The following LRRTM4 variants were observed in gnomAD, a reference collection of about 807,000 sequenced individuals.
The protein encoded by LRRTM4 is leucine rich repeat transmembrane neuronal 4.
In LRRTM4, 25 loss-of-function variants were observed where a neutral mutation model predicts 47.6. That is an observed-to-expected ratio of 0.53 (90% confidence interval 0.38 to 0.73). The LOEUF is 0.73. LRRTM4 is among the 30% of genes least tolerant of loss of function. LRRTM4 has a pLI of 0.00. For synonymous variants in LRRTM4, 311 were observed against 269.5 expected (o/e 1.15, Z -1.51); for missense variants, 638 against 713.4 (o/e 0.89, Z 1.20).
At chr2:77,505,541 T>C (rs867831570) in intron 3 of LRRTM4, among the ~76,000 whole-genome samples, 1 of 151,510 alleles carries the variant, frequency 6.6e-6, no homozygotes, top group South Asian at 2.1e-4. Flanking sequence ...CAAATCACCA[T>C]AGTCATTTAA....
chr2:76,757,360 C>T lies in LRRTM4; in HGVS notation c.1552-8444G>A, dbSNP rs143964567. 4.2e-3 allele frequency among the ~76,000 whole-genome samples: 634 copies of T among 152,192 alleles called. 5 individuals carry two copies. Among genetic ancestry groups the T allele is most frequent in the Non-Finnish European group, 4.3e-3 (294 of 67,980 alleles). Reference sequence around the variant, plus strand: ...GTCAGGGGATAAGAGAACAAAGATCCATTTCCATCTTTATTGCTCTCCTAC... The same window carrying T: ...GTCAGGGGATAAGAGAACAAAGATCTATTTCCATCTTTATTGCTCTCCTAC... On this transcript the variant is annotated intron_variant, in intron 3 of 3. Coordinates refer to ENST00000409884, the MANE Select transcript of LRRTM4 (RefSeq NM_001134745.3).
intron 3 of LRRTM4, among the ~76,000 whole-genome samples, chr2:77,217,064 C>T (rs1166888489): frequency 1.5e-5 from 2 of 134,840 alleles, no homozygotes; most frequent in African/African-American, 6.3e-5. Context: ...CAGAGTGAGA[C>T]TCTGTCAAAA....
intron 3 of LRRTM4, among the ~76,000 whole-genome samples, chr2:77,142,635 T>A (rs780118842): frequency 6.6e-6 from 1 of 152,190 alleles, no homozygotes; most frequent in Non-Finnish European, 1.5e-5. Flanking sequence ...AGTATTAATA[T>A]AATAACAAGA....
chr2:76,974,162 A>G (rs2103948337), intron 3 of LRRTM4, among the ~76,000 whole-genome samples: 1 of 137,802 alleles, frequency 7.3e-6, no homozygotes, highest in South Asian at 2.1e-4. Flanking sequence ...ATACATATAT[A>G]TATATACATA....
At chr2:76,999,062 G>A (rs1301837164) in intron 3 of LRRTM4, among the ~76,000 whole-genome samples, 2 of 152,094 alleles carry the variant, frequency 1.3e-5, no homozygotes, top group Non-Finnish European at 2.9e-5. Context: ...ATAGATGGTT[G>A]TTGATATTAT....
intron 3 of LRRTM4, among the ~76,000 whole-genome samples, chr2:77,007,266 G>A (rs145646894): frequency 9.2e-5 from 14 of 152,206 alleles, no homozygotes; most frequent in African/African-American, 3.1e-4. Context: ...AAGAAGCACA[G>A]AGGATTGTGA....
At chr2:77,409,078 C>A (rs768735288) in intron 3 of LRRTM4, among the ~76,000 whole-genome samples, 32 of 152,106 alleles carry the variant, frequency 2.1e-4, no homozygotes, top group Non-Finnish European at 3.8e-4. Flanking sequence ...CTGCTAAATG[C>A]GATTTTCATC....
chr2:77,345,103 G>A (rs1320664734), intron 3 of LRRTM4, among the ~76,000 whole-genome samples: 2 of 150,494 alleles, frequency 1.3e-5, no homozygotes, highest in Non-Finnish European at 3.0e-5. Context: ...TAAAAATTCA[G>A]TAAAATTATA....
At chr2:77,143,267 T>A (rs72911862) in intron 3 of LRRTM4, among the ~76,000 whole-genome samples, 8,794 of 152,266 alleles carry the variant, frequency 0.058, 817 homozygotes, top group African/African-American at 0.19. Context: ...TTGATTGTAA[T>A]TATTTTGAGT....
chr2:76,897,676 C>T (rs536327155), intron 3 of LRRTM4, among the ~76,000 whole-genome samples: 2 of 152,088 alleles, frequency 1.3e-5, no homozygotes, highest in Non-Finnish European at 2.9e-5. Flanking sequence ...AAAGGTAATA[C>T]ACTTAGGCAA....
intron 3 of LRRTM4, among the ~76,000 whole-genome samples, chr2:77,280,661 T>C (rs563442278): frequency 6.6e-6 from 1 of 152,116 alleles, no homozygotes; most frequent in Non-Finnish European, 1.5e-5. Context: ...GTATAAAGTA[T>C]TTAACCTCAT....
At chr2:76,843,870 C>T (rs1671759567) in intron 3 of LRRTM4, among the ~76,000 whole-genome samples, 1 of 151,562 alleles carries the variant, frequency 6.6e-6, no homozygotes. Flanking sequence ...CTCCAAAGCC[C>T]ATGCTTTAAA....
chr2:77,316,298 C>T (rs769371478), intron 3 of LRRTM4, among the ~76,000 whole-genome samples: 1 of 151,976 alleles, frequency 6.6e-6, no homozygotes, highest in Non-Finnish European at 1.5e-5. Context: ...TCTCAGCAAG[C>T]CTGAGAATTA....
At chr2:76,857,340 T>TCA (rs1314597277) in intron 3 of LRRTM4, among the ~76,000 whole-genome samples, 15 of 133,790 alleles carry the variant, frequency 1.1e-4, no homozygotes, top group African/African-American at 5.1e-4. Flanking sequence ...TCATATATAT[T>TCA]TATTCCTTAG....
chr2:77,488,442 C>A (rs1288221278), intron 3 of LRRTM4, among the ~76,000 whole-genome samples: 2 of 152,148 alleles, frequency 1.3e-5, no homozygotes, highest in Non-Finnish European at 2.9e-5. Context: ...GTGCCAGTAG[C>A]GTGAGCAGAC....
intron 3 of LRRTM4, among the ~76,000 whole-genome samples, chr2:76,794,202 G>A (rs1675132892): frequency 6.6e-6 from 1 of 152,112 alleles, no homozygotes; most frequent in South Asian, 2.1e-4. Context: ...TACTATGTAA[G>A]CTTATAGCTT....
At chr2:77,391,724 G>A (rs187833320) in intron 3 of LRRTM4, among the ~76,000 whole-genome samples, 51 of 151,974 alleles carry the variant, frequency 3.4e-4, no homozygotes, top group Non-Finnish European at 5.3e-4. Context: ...CAGCCAAGGG[G>A]ACCCAACTAA....
At chr2:77,304,499 C>T (rs1429910975) in intron 3 of LRRTM4, among the ~76,000 whole-genome samples, 1 of 151,396 alleles carries the variant, frequency 6.6e-6, no homozygotes, top group Non-Finnish European at 1.5e-5. Context: ...ATCCATGAAA[C>T]AACTGAGAAT....
intron 3 of LRRTM4, among the ~76,000 whole-genome samples, chr2:76,781,595 G>A (rs1674394793): frequency 1.3e-5 from 2 of 152,222 alleles, no homozygotes; most frequent in South Asian, 2.1e-4. Context: ...GTGAGGCAAT[G>A]CCTCGCCCTG....
Sources: gnomAD v4.1 joint callset for allele counts (sites outside exome capture counted in the v4.1 genomes callset) on GRCh38, gnomAD v4.1.1 for gene constraint, MANE v1.5 for transcripts, NCBI Gene and HGNC (gene_info 2026-07-23, HGNC 2026-07-21) for gene names.